TAT: variants seen among roughly 807,000 people sequenced by gnomAD.
The protein encoded by TAT is L-tyrosine:2-oxoglutarate aminotransferase.
A neutral mutation model predicts 53.6 loss-of-function variants in TAT; 35 were observed. That is an observed-to-expected ratio of 0.65 (90% CI 0.50 to 0.87). The LOEUF (loss-of-function observed/expected upper bound fraction) is 0.87. Ranked by LOEUF, TAT falls within the 40% of genes least tolerant of loss-of-function variation. The probability of loss-of-function intolerance (pLI) is 0.00; values close to 1 mark genes in which losing one functional copy is unlikely to be tolerated. For synonymous variants in TAT, 197 were observed against 206.5 expected, an observed-to-expected ratio of 0.95 and a Z score of 0.39; for missense variants, 525 against 571.8, an observed-to-expected ratio of 0.92 and a Z score of 0.83.
chr16:71,574,011 C>T (rs1188021588), intron 3 of TAT, among the ~76,000 whole-genome samples: 1 of 152,144 alleles, frequency 6.6e-6, no homozygotes, highest in Non-Finnish European at 1.5e-5. Context: ...CCTCAACTGA[C>T]AGCTATGCCC....
chr16:71,569,816 A>G (rs1045088586), intron 10 of TAT, 38 bp downstream of exon 10: 6 of 1,591,004 alleles, frequency 3.8e-6, no homozygotes, highest in South Asian at 2.2e-5. Flanking sequence ...TTGCCTTACA[A>G]CATGCATTGA....
rs778944826 is a variant in TAT, at chr16:71,576,325, G to C, written c.91C>G (p.Pro31Ala). Residue 31 changes from proline (P) to alanine (A), a missense_variant, in exon 2 of 12, where the codon CCG (proline) becomes GCG (alanine). Physicochemically the swap from Pro to Ala is conservative, Grantham distance 27. Transcript: ENST00000355962. ...GCCTTTCTGCCTTTCATTTTTCCCG[G>C]CACAGAGCTTCTCCCACCAACGTTG... The part of the protein sequence containing the change: ...HVNVGGRSSV[P>A]GKMKGRKARW... 9.2e-5 allele frequency: 148 copies of C among 1,614,030 alleles called. No individual in the cohort carries two copies. The highest frequency in any genetic ancestry group is 1.2e-4 in the Non-Finnish European group (143 of 1,180,044).
chr16:71,572,543 A>C lies in TAT; in HGVS notation c.554T>G (p.Leu185Arg), dbSNP rs1244669832. The change falls in exon 5 of 12, where the codon CTC (leucine) becomes CGC (arginine). Residue 185 changes from leucine (L) to arginine (R), a missense_variant. Leu to Arg is a moderately radical substitution (Grantham distance 102). Coordinates refer to ENST00000355962, the MANE Select transcript of TAT (RefSeq NM_000353.3). ...AAAGTCATTTACCAACAAATTGTAGAGTTTGACCTCAATTCCCATAGACTC... is the reference window on the plus strand; with the variant it reads ...AAAGTCATTTACCAACAAATTGTAGCGTTTGACCTCAATTCCCATAGACTC... Reference protein sequence around the residue: ...LAESMGIEVKLYNLLPEKSWE... With the variant: ...LAESMGIEVKRYNLLPEKSWE... The C allele has an allele frequency of 1.9e-6, 3 of 1,614,266 alleles. No homozygotes were observed. Among genetic ancestry groups the C allele is most frequent in the Non-Finnish European group, 2.5e-6 (3 of 1,180,040 alleles).
At position 71,572,707 on chromosome 16, in the gene TAT, G is replaced by C; in HGVS notation, c.409-19C>G. 1 of 1,614,094 alleles carries C rather than the reference G, an allele frequency of 6.2e-7. No individual in the cohort carries two copies. The highest frequency in any genetic ancestry group is 8.5e-7 in the Non-Finnish European group (1 of 1,179,982). Reference sequence around the variant, plus strand: ...TGACGTCCTGTGAAGGAAATAAAAGGTTAATTTCATTAGGGGTTCCAACAG... The same window carrying C: ...TGACGTCCTGTGAAGGAAATAAAAGCTTAATTTCATTAGGGGTTCCAACAG... On this transcript the variant is annotated intron_variant, in intron 4 of 11. Coordinates refer to ENST00000355962, the MANE Select transcript of TAT (RefSeq NM_000353.3).
rs898482994 is a variant in TAT at position 71,577,092 on chromosome 16, T to G, written c.-96A>C. 6.6e-6 allele frequency: 1 copy of G among 150,442 alleles called. No homozygotes were observed. Among genetic ancestry groups the G allele is most frequent in the Admixed American group, 6.6e-5 (1 of 15,218 alleles). The allele number at this position is 150,442 out of a possible 1,614,324, so 9.3% of individuals were successfully genotyped here. A position where few individuals can be genotyped will look rare whatever the true frequency, so the allele number is the denominator to read the frequency against. On this transcript the variant is annotated 5_prime_UTR_variant, in exon 1 of 12. Coordinates refer to ENST00000355962, the MANE Select transcript of TAT (RefSeq NM_000353.3). ...CTTCTTTGACAGGTTACAGGGGCAA[T>G]GAACTCAGATGCAAATCCTAACTCC...
chr16:71,569,068 G>C (rs2044182913), intron 10 of TAT, among the ~76,000 whole-genome samples: 1 of 152,148 alleles, frequency 6.6e-6, no homozygotes, highest in Non-Finnish European at 1.5e-5. Flanking sequence ...TGTCTCAAAA[G>C]AGACACTACT....
intron 10 of TAT, among the ~76,000 whole-genome samples, chr16:71,569,526 C>A (rs1417713927): frequency 6.6e-6 from 1 of 152,058 alleles, no homozygotes; most frequent in Non-Finnish European, 1.5e-5. Flanking sequence ...CTTGTAGAGA[C>A]AATAGAGTTT....
At chr16:71,570,009 C>T (rs172650) in intron 9 of TAT, 72 bp from the exon 10 acceptor site, 2 of 1,436,162 alleles carry the variant, frequency 1.4e-6, no homozygotes, top group Non-Finnish European at 1.9e-6. Flanking sequence ...TTAAAAATAG[C>T]CCCCTCATTG....
chr16:71,572,264 C>G lies in TAT; in HGVS notation c.628G>C (p.Ala210Pro), dbSNP rs749202148. The change falls in exon 6 of 12, where the codon GCT (alanine) becomes CCT (proline). Residue 210 changes from alanine to proline, a missense_variant. By Grantham distance (27) the Ala-to-Pro change is conservative. Transcript: ENST00000355962. ...QLEYLIDEKTACLIVNNPSNP... is the reference protein window; with the variant it reads ...QLEYLIDEKTPCLIVNNPSNP... ...GATGGATTATTGACAATGAGACAAG[C>G]TGTCTTTTCATCAATTAGATATTCC... The G allele has an allele frequency of 1.9e-6, 3 of 1,614,168 alleles. No homozygotes were observed. Among genetic ancestry groups the G allele is most frequent in the Non-Finnish European group, 2.5e-6 (3 of 1,179,990 alleles).
rs1388670920 is a variant in TAT at position 71,572,306 on chromosome 16, T to C, written c.586A>G (p.Ile196Val). Reference sequence around the variant, plus strand: ...AGATATTCCAGTTGTTTCAGGTCAATTTCCCAAGATTTCTCTGGCTGGAGA... The same window carrying C: ...AGATATTCCAGTTGTTTCAGGTCAACTTCCCAAGATTTCTCTGGCTGGAGA... The part of the protein sequence containing the change: ...YNLLPEKSWE[I>V]DLKQLEYLID... Residue 196 changes from isoleucine (I) to valine (V), a missense_variant, in exon 6 of 12, where the codon ATT becomes GTT. By Grantham distance (29) the Ile-to-Val change is conservative. Transcript: ENST00000355962. The C allele has an allele frequency of 1.2e-6, 2 of 1,614,246 alleles. No homozygotes were observed. Among genetic ancestry groups the C allele is most frequent in the Non-Finnish European group, 1.7e-6 (2 of 1,180,052 alleles).
intron 10 of TAT, among the ~76,000 whole-genome samples, chr16:71,569,356 G>A (rs947048794): frequency 2.7e-5 from 4 of 148,364 alleles, no homozygotes; most frequent in African/African-American, 7.5e-5. Context: ...TTTTCTTTTC[G>A]GATGGGGTCT....
chr16:71,573,744 C>A, intron 3 of TAT, 138 bp from the exon 4 acceptor site: 1 of 742,442 alleles, frequency 1.3e-6, no homozygotes, highest in South Asian at 1.5e-5. Context: ...GATCCTCCCA[C>A]CTTAGCCTCC....
chr16:71,570,543 C>G, intron 8 of TAT, 136 bp downstream of exon 8: 1 of 1,562,868 alleles, frequency 6.4e-7, no homozygotes, highest in Non-Finnish European at 8.7e-7. Context: ...CCTCTGGGTT[C>G]GTAGCCCAGC....
chr16:71,565,701 G>GCACGCACA lies in TAT; in HGVS notation c.*2442_*2443insTGTGCGTG, dbSNP rs1555537258. On this transcript the variant is annotated 3_prime_UTR_variant, in exon 12 of 12. Transcript: ENST00000355962. ...TACTTTATTTGAAAAAATGAAAAGT[G>GCACGCACA]CACACACACACACACACACACACAC... The GCACGCACA allele has an allele frequency of 6.7e-6, 1 of 148,934 alleles. No homozygotes were observed. The highest frequency in any genetic ancestry group is 1.5e-5 in the Non-Finnish European group (1 of 67,464). 9.2% of individuals were successfully genotyped at this position (148,934 alleles called of 1,614,324 possible). A position where few individuals can be genotyped will look rare whatever the true frequency, so the allele number is the denominator to read the frequency against.
chr16:71,566,007 T>C lies in TAT; in HGVS notation c.*2137A>G, dbSNP rs879804305. The C allele has an allele frequency of 2.2e-4, 34 of 152,216 alleles. No homozygotes were observed. Among genetic ancestry groups the C allele is most frequent in the Admixed American group, 2.1e-3 (32 of 15,282 alleles). 9.4% of individuals were successfully genotyped at this position (152,216 alleles called of 1,614,324 possible). ...ATTTTCTGTACGTGTAAAACTAAAA[T>C]GTCTTTTGTAAATCACTGAGTCTTC... is the stretch of plus-strand genomic sequence containing the variant. On this transcript the variant is annotated 3_prime_UTR_variant, in exon 12 of 12. Transcript: ENST00000355962.
Position 71,566,887 on chromosome 16 carries a change from C to T in TAT, c.*1257G>A, listed in dbSNP as rs556537198. On this transcript the variant is annotated 3_prime_UTR_variant, in exon 12 of 12. Coordinates refer to ENST00000355962, the MANE Select transcript of TAT (RefSeq NM_000353.3). ...TTTATTAAAAAAAAAAAAAGAAAAA[C>T]AATAATTTATGCCCTTGGCAAAATA... 7 of 141,074 alleles carry T rather than the reference C, an allele frequency of 5.0e-5. No homozygotes were observed. The East Asian group carries it at 1.5e-3, about 30-fold the overall frequency. The allele number at this position is 141,074 out of a possible 1,614,324, so 8.7% of individuals were successfully genotyped here.
intron 8 of TAT, 140 bp from the exon 9 acceptor site, chr16:71,570,537 TG>T (rs1205004244): frequency 1.9e-6 from 3 of 1,565,228 alleles, no homozygotes; most frequent in Non-Finnish European, 2.6e-6. Context: ...TCAGACCCTC[TG>T]GGTTCGTAGC....
intron 9 of TAT, 30 bp from the exon 10 acceptor site, chr16:71,569,967 A>G: frequency 6.3e-7 from 1 of 1,596,916 alleles, no homozygotes. Flanking sequence ...GAAATCAAGG[A>G]TCAAAATTTA....
Position 71,571,721 on chromosome 16 carries a change from T to C in TAT, c.707-63A>G, listed in dbSNP as rs1310742616. 7 of 1,435,372 alleles carry C rather than the reference T, an allele frequency of 4.9e-6. No homozygotes were observed. In the Admixed American group the frequency reaches 1.2e-4, roughly 24 times the overall value. 88.9% of individuals were successfully genotyped at this position (1,435,372 alleles called of 1,614,324 possible). On this transcript the variant is annotated intron_variant, in intron 6 of 11. Coordinates refer to ENST00000355962, the MANE Select transcript of TAT (RefSeq NM_000353.3). ...ATTGCTTTATCATGTAATAGTCACA[T>C]AATATCATGTAATTTCCCTATCCCG...
Sources: allele counts gnomAD v4.1 joint callset (sites outside exome capture counted in the v4.1 genomes callset), GRCh38; gene constraint gnomAD v4.1.1; transcripts MANE v1.5; gene names NCBI Gene and HGNC (gene_info 2026-07-23, HGNC 2026-07-21).